Variants in KIF4A observed in about 807,000 individuals in gnomAD.
KIF4A encodes kinesin family member 4A, also known as chromosome-associated kinesin KIF4A.
In KIF4A, 7 loss-of-function variants were observed where a neutral mutation model predicts 105.9. The observed-to-expected ratio is 0.07, with a 90% confidence interval of 0.04 to 0.12. The LOEUF (loss-of-function observed/expected upper bound fraction) is 0.12, where lower values mean the gene tolerates loss of function less well. Ranked by LOEUF, KIF4A falls within the 10% of genes least tolerant of loss-of-function variation. The pLI, the probability that KIF4A is intolerant of heterozygous loss-of-function variation, is 1.00. For missense variants in KIF4A, 558 were observed against 929.2 expected (o/e 0.60, Z 5.19); for synonymous variants, 281 against 331.3 (o/e 0.85, Z 1.65).
intron 22 of KIF4A, among the ~76,000 whole-genome samples, chrX:70,398,904 C>T (rs754603479): frequency 9.0e-6 from 1 of 111,461 alleles, no homozygotes; most frequent in South Asian, 3.8e-4. Context: ...ACTGAAAATG[C>T]AAAAGCCATA....
chrX:70,320,375 G>A (rs1307077414), intron 7 of KIF4A, among the ~76,000 whole-genome samples: 2 of 111,912 alleles, frequency 1.8e-5, no homozygotes, highest in African/African-American at 3.2e-5. Flanking sequence ...TACATGTACC[G>A]CTATGTTTAT....
At chrX:70,343,630 T>C (rs1485291043) in intron 11 of KIF4A, 73 bp from the exon 12 acceptor site, 1 of 932,761 alleles carries the variant, frequency 1.1e-6, no homozygotes, top group Non-Finnish European at 1.5e-6. Context: ...TTTTAATTCA[T>C]AGGAGTAGGA....
At chrX:70,329,882 AACTT>A (rs763496058) in intron 8 of KIF4A, among the ~76,000 whole-genome samples, 2 of 111,634 alleles carry the variant, frequency 1.8e-5, no homozygotes, top group African/African-American at 3.3e-5. Context: ...AGTGGCTCCT[AACTT>A]ACTTAGGCCA....
intron 5 of KIF4A, among the ~76,000 whole-genome samples, chrX:70,301,402 T>TA (rs1293103550): frequency 9.0e-6 from 1 of 111,385 alleles, no homozygotes. Context: ...CCAAGGTAAA[T>TA]ACAGTACTAA....
At chrX:70,420,015 T>C in intron 30 of KIF4A, 47 bp from the exon 31 acceptor site, 1 of 1,142,944 alleles carries the variant, frequency 8.7e-7, no homozygotes, top group Non-Finnish European at 1.2e-6. Flanking sequence ...GGGCTGAGCT[T>C]CTGCCCCTTT....
chrX:70,414,024 G>A (rs2086333378), intron 28 of KIF4A, among the ~76,000 whole-genome samples: 1 of 110,860 alleles, frequency 9.0e-6, no homozygotes, highest in Admixed American at 9.7e-5. Flanking sequence ...GTAGTCAAGG[G>A]CCAGATCATG....
intron 4 of KIF4A, 151 bp downstream of exon 4, chrX:70,297,339 C>A: frequency 2.0e-6 from 1 of 499,758 alleles, no homozygotes; most frequent in Non-Finnish European, 3.3e-6. Context: ...TTGGATCCGG[C>A]TCCCACCCAG....
rs1214866810 is a variant in KIF4A, at chrX:70,375,458, A to T, written c.1923+110A>T. On this transcript the variant is annotated intron_variant, in intron 17 of 30. Transcript: ENST00000374403. ...CAGGTGAGAAAATAGCAGGCAGAGC[A>T]ATCATTTCAAGTGTGTGAATCTCCA... 1.0e-5 allele frequency: 8 copies of T among 771,673 alleles called. No individual in the cohort carries two copies. In the Admixed American group the frequency reaches 2.2e-4, roughly 21 times the overall value. The allele number at this position is 771,673 out of a possible 1,213,427, so 63.6% of individuals were successfully genotyped here. A position where few individuals can be genotyped will look rare whatever the true frequency, so the allele number is the denominator to read the frequency against.
chrX:70,368,108 C>T (rs1422144669), intron 15 of KIF4A, among the ~76,000 whole-genome samples: 2 of 112,160 alleles, frequency 1.8e-5, no homozygotes, highest in African/African-American at 6.5e-5. Flanking sequence ...CCATCAGGTC[C>T]TTGAAGGACT....
At chrX:70,309,912 G>A (rs1018986247) in intron 7 of KIF4A, among the ~76,000 whole-genome samples, 3 of 111,615 alleles carry the variant, frequency 2.7e-5, no homozygotes, top group Admixed American at 9.5e-5. Flanking sequence ...GCGTGGTGGC[G>A]CACGCCTGTA....
Position 70,319,403 on chromosome X carries a change from T to C in KIF4A, c.779-10002T>C, listed in dbSNP as rs183589222. ...CACCTAGAACTGTTTTTTTTATACA[T>C]GATATGATGCAGGGTCCAGTTTTGT... On this transcript the variant is annotated intron_variant, in intron 7 of 30. Transcript: ENST00000374403. 3.2e-3 allele frequency among the ~76,000 whole-genome samples: 354 copies of C among 112,153 alleles called. 2 individuals carry two copies. The highest frequency in any genetic ancestry group is 0.011 in the African/African-American group (345 of 30,903).
intron 10 of KIF4A, among the ~76,000 whole-genome samples, chrX:70,339,801 T>C (rs967576910): frequency 3.6e-5 from 4 of 112,344 alleles, no homozygotes; most frequent in Non-Finnish European, 5.6e-5. Context: ...TTTACTTGAA[T>C]TCCTAGCCTT....
intron 15 of KIF4A, among the ~76,000 whole-genome samples, chrX:70,361,030 C>T (rs2086073226): frequency 2.7e-5 from 3 of 112,649 alleles, no homozygotes; most frequent in Non-Finnish European, 3.8e-5. Flanking sequence ...CCAGCCCACC[C>T]GTTCAGCCAA....
chrX:70,418,057 C>A, intron 29 of KIF4A, 53 bp downstream of exon 29: 1 of 1,027,801 alleles, frequency 9.7e-7, no homozygotes, highest in Non-Finnish European at 1.3e-6. Flanking sequence ...CCTCTAGTTT[C>A]CACCCTCTTT....
At chrX:70,325,000 G>A (rs1335748292) in intron 7 of KIF4A, among the ~76,000 whole-genome samples, 2 of 111,353 alleles carry the variant, frequency 1.8e-5, no homozygotes, top group African/African-American at 6.5e-5. Context: ...CAGGCTGGTC[G>A]TGAACTCCTG....
At chrX:70,398,472 A>G (rs1478673530) in intron 22 of KIF4A, among the ~76,000 whole-genome samples, 2 of 112,267 alleles carry the variant, frequency 1.8e-5, no homozygotes, top group Non-Finnish European at 3.8e-5. Context: ...GAATTTTTTT[A>G]GAACTGATGA....
At chrX:70,323,895 G>A (rs956753739) in intron 7 of KIF4A, among the ~76,000 whole-genome samples, 3 of 108,537 alleles carry the variant, frequency 2.8e-5, no homozygotes, top group Non-Finnish European at 3.8e-5. Flanking sequence ...GTGCAGTGGC[G>A]CAATCTTGAC....
At chrX:70,324,720 G>A (rs1312724828) in intron 7 of KIF4A, among the ~76,000 whole-genome samples, 1 of 110,829 alleles carries the variant, frequency 9.0e-6, no homozygotes, top group Non-Finnish European at 1.9e-5. Context: ...AATGGTAAAG[G>A]GTTTTTTAAA....
At position 70,406,947 on chromosome X, in the gene KIF4A, G is replaced by T; in HGVS notation, c.3127G>T (p.Asp1043Tyr). The T allele has an allele frequency of 1.7e-6, 2 of 1,211,816 alleles. No homozygotes were observed. The highest frequency in any genetic ancestry group is 1.8e-5 in the South Asian group (1 of 56,994). Reference protein sequence around the residue: ...KFLEQSMDIEDLKYCSEHSVN... With the variant: ...KFLEQSMDIEYLKYCSEHSVN... ...CCTGGAGCAAAGCATGGACATCGAGGATCTAAAATATTGTTCAGAGCATTC... is the reference window on the plus strand; with the variant it reads ...CCTGGAGCAAAGCATGGACATCGAGTATCTAAAATATTGTTCAGAGCATTC... Residue 1043 changes from aspartate (D) to tyrosine (Y), a missense_variant, in exon 28 of 31, where the codon GAT (aspartate) becomes TAT (tyrosine). By Grantham distance (160) the Asp-to-Tyr change is radical. Coordinates refer to ENST00000374403, the MANE Select transcript of KIF4A (RefSeq NM_012310.5).
Sources: allele counts gnomAD v4.1 joint callset (sites outside exome capture counted in the v4.1 genomes callset), GRCh38; gene constraint gnomAD v4.1.1; transcripts MANE v1.5; gene names NCBI Gene and HGNC (gene_info 2026-07-23, HGNC 2026-07-21).